The following ZMYM4 variants were observed in gnomAD, a reference collection of about 807,000 sequenced individuals.
The protein encoded by ZMYM4 is zinc finger MYM-type containing 4.
ZMYM4 carries 31 observed loss-of-function variants against 183.2 expected under a neutral mutation model. The observed-to-expected ratio is 0.17, with a 90% confidence interval of 0.13 to 0.23. ZMYM4 has a LOEUF of 0.23. ZMYM4 is among the 10% of genes least tolerant of loss of function. The pLI is 1.00. For missense variants in ZMYM4, 1,273 were observed against 1,840.3 expected (o/e 0.69, Z 5.64); for synonymous variants, 592 against 631.2 (o/e 0.94, Z 0.93).
At position 35,389,781 on chromosome 1, in the gene ZMYM4, A is replaced by ATATATGTGTG. The variant is rs1553179061; in HGVS notation, c.2437-166_2437-165insATATGTGTGT. Among the ~76,000 whole-genome samples, 3 of 141,426 alleles carry ATATATGTGTG rather than the reference A, an allele frequency of 2.1e-5. No individual in the cohort carries two copies. Among genetic ancestry groups the ATATATGTGTG allele is most frequent in the African/African-American group, 8.0e-5 (3 of 37,598 alleles). 92.8% of individuals were successfully genotyped at this position (141,426 alleles called of 152,430 possible). A position where few individuals can be genotyped will look rare whatever the true frequency, so the allele number is the denominator to read the frequency against. On this transcript the variant is annotated intron_variant, in intron 14 of 29. Transcript: ENST00000314607. This position sits in a 1 kb window ranked among gnomAD's most constrained non-coding sequence, Gnocchi z 4.0. The stretch of plus-strand genomic sequence containing the variant: ...AAAAAAAAAAAAAATATATATATAT[A>ATATATGTGTG]TGTGTGTGTGTGTGTGTGTGTGTGT...
At chr1:35,405,493 G>A (rs770448951) in intron 25 of ZMYM4, 25 bp downstream of exon 25, 3 of 1,518,444 alleles carry the variant, frequency 2.0e-6, no homozygotes, top group African/African-American at 2.8e-5. Flanking sequence ...TCTCCATTTG[G>A]TATGAATTAT....
chr1:35,314,817 G>A (rs1052040936), intron 1 of ZMYM4, among the ~76,000 whole-genome samples: 18 of 150,656 alleles, frequency 1.2e-4, no homozygotes, highest in Admixed American at 5.3e-4. Context: ...CTGAGGTCAG[G>A]AGTTCAAGAC....
intron 2 of ZMYM4, chr1:35,351,170 C>T: frequency 2.4e-6 from 3 of 1,261,316 alleles, no homozygotes; most frequent in African/African-American, 1.5e-5. Flanking sequence ...CAGACCTTGC[C>T]AGAACTACCA....
At chr1:35,343,847 G>A (rs1202682095) in intron 2 of ZMYM4, among the ~76,000 whole-genome samples, 5 of 151,058 alleles carry the variant, frequency 3.3e-5, no homozygotes, top group Admixed American at 6.6e-5. Flanking sequence ...CTGGGCGACA[G>A]AGCGAGACTC....
intron 9 of ZMYM4, among the ~76,000 whole-genome samples, chr1:35,385,241 A>C (rs1243480851): frequency 1.3e-5 from 2 of 152,248 alleles, no homozygotes; most frequent in Non-Finnish European, 2.9e-5. Flanking sequence ...TTTTAGTTTT[A>C]TTACATACAT....
chr1:35,283,245 C>T (rs1353306453), intron 1 of ZMYM4, among the ~76,000 whole-genome samples: 2 of 148,124 alleles, frequency 1.4e-5, no homozygotes, highest in African/African-American at 5.0e-5. Context: ...GAACTCCTGA[C>T]CTCAAGCGAT....
intron 2 of ZMYM4, among the ~76,000 whole-genome samples, chr1:35,327,185 G>A (rs1383319612): frequency 1.3e-5 from 2 of 152,158 alleles, no homozygotes; most frequent in African/African-American, 4.8e-5. Flanking sequence ...CAGTGCTACA[G>A]CAAAATAACA....
chr1:35,352,641 C>T (rs1228818098), intron 2 of ZMYM4, among the ~76,000 whole-genome samples: 1 of 152,176 alleles, frequency 6.6e-6, no homozygotes, highest in Non-Finnish European at 1.5e-5. Flanking sequence ...TTTTATCAGT[C>T]ATCTCAGCAG....
At chr1:35,406,529 T>A (rs552434246) in intron 25 of ZMYM4, among the ~76,000 whole-genome samples, 1 of 151,788 alleles carries the variant, frequency 6.6e-6, no homozygotes. Flanking sequence ...TCTAAAAAAA[T>A]AAAAATAAAA....
chr1:35,390,083 T>G lies in ZMYM4; in HGVS notation c.2572T>G (p.Ser858Ala). The G allele has an allele frequency of 1.9e-6, 3 of 1,613,420 alleles. No homozygotes were observed. The highest frequency in any genetic ancestry group is 2.5e-6 in the Non-Finnish European group (3 of 1,179,658). Residue 858 changes from serine to alanine, a missense_variant, in exon 15 of 30, where the codon TCA becomes GCA. Coordinates refer to ENST00000314607, the MANE Select transcript of ZMYM4 (RefSeq NM_005095.3). ...CNQQSVCDPP[S>A]QNNAANISMV... Reference sequence around the variant, plus strand: ...TCAGCAAAGTGTATGTGACCCGCCTTCACAAAATAATGCAGGTAAAATTAA... The same window carrying G: ...TCAGCAAAGTGTATGTGACCCGCCTGCACAAAATAATGCAGGTAAAATTAA...
rs1210716623 is a variant in ZMYM4, at chr1:35,389,644, A to C, written c.2437-304A>C. The stretch of plus-strand genomic sequence containing the variant: ...GTGGCGGGCGCCTGTAGTCCCAGCT[A>C]CCTGGGAGGCTGAGGCAGGAGAATT... On this transcript the variant is annotated intron_variant, in intron 14 of 29. Coordinates refer to ENST00000314607, the MANE Select transcript of ZMYM4 (RefSeq NM_005095.3). This position sits in a 1 kb window ranked among gnomAD's most constrained non-coding sequence, Gnocchi z 4.0. Among the ~76,000 whole-genome samples, 2 of 151,852 alleles carry C rather than the reference A, an allele frequency of 1.3e-5. No individual in the cohort carries two copies. Among genetic ancestry groups the C allele is most frequent in the African/African-American group, 4.8e-5 (2 of 41,352 alleles).
intron 23 of ZMYM4, chr1:35,400,399 G>A (rs1644886258): frequency 1.3e-5 from 2 of 151,534 alleles, no homozygotes; most frequent in African/African-American, 4.8e-5. Flanking sequence ...TAGAGACAGG[G>A]TTTCACCATG....
chr1:35,411,238 C>A (rs1639879804), intron 26 of ZMYM4, among the ~76,000 whole-genome samples: 1 of 146,690 alleles, frequency 6.8e-6, no homozygotes, highest in South Asian at 2.1e-4. Context: ...ACTGCAAGCT[C>A]CGCCTCCCGG....
intron 1 of ZMYM4, among the ~76,000 whole-genome samples, chr1:35,316,005 A>G (rs994007795): frequency 1.2e-4 from 18 of 152,164 alleles, no homozygotes; most frequent in Non-Finnish European, 1.9e-4. Flanking sequence ...AATTAGACCT[A>G]CTTTTTATAG....
intron 1 of ZMYM4, among the ~76,000 whole-genome samples, chr1:35,324,601 C>G (rs540784062): frequency 6.6e-6 from 1 of 152,170 alleles, no homozygotes; most frequent in East Asian, 1.9e-4. Context: ...CTAGGTAGTT[C>G]TTTTTTCCTT....
At chr1:35,365,400 C>T (rs963446724) in intron 5 of ZMYM4, among the ~76,000 whole-genome samples, 1 of 152,000 alleles carries the variant, frequency 6.6e-6, no homozygotes, top group African/African-American at 2.4e-5. Flanking sequence ...AAAAACTGTA[C>T]ATTCAGTAAA....
chr1:35,350,753 C>A, intron 2 of ZMYM4: 1 of 452,194 alleles, frequency 2.2e-6, no homozygotes, highest in South Asian at 2.2e-5. Flanking sequence ...AAGAATAAGG[C>A]CTGCTTTAAG....
Position 35,419,555 on chromosome 1 carries a change from A to T in ZMYM4, c.4525A>T (p.Thr1509Ser), listed in dbSNP as rs772651383. The T allele has an allele frequency of 6.2e-7, 1 of 1,614,024 alleles. No homozygotes were observed. The highest frequency in any genetic ancestry group is 1.7e-5 in the Admixed American group (1 of 60,002). ...CVPNSPMWYSTFPIDPGTLDT... is the reference protein window; with the variant it reads ...CVPNSPMWYSSFPIDPGTLDT... ...CCCGAATAGCCCCATGTGGTACTCC[A>T]CATTCCCGATAGACCCTGGAACCCT... The change falls in exon 30 of 30, where the codon ACA becomes TCA. Residue 1509 changes from threonine (T) to serine (S), a missense_variant. Thr to Ser is a moderately conservative substitution (Grantham distance 58). This residue lies in a region of ZMYM4 where 145 missense variants were observed against 331.6 expected (regional missense o/e 0.44). Transcript: ENST00000314607.
intron 23 of ZMYM4, among the ~76,000 whole-genome samples, chr1:35,402,711 TA>T (rs1030086705): frequency 3.9e-5 from 6 of 152,048 alleles, no homozygotes; most frequent in Non-Finnish European, 8.8e-5. Flanking sequence ...ATCTTAGAAA[TA>T]AAAAAAAGAA....
Sources: allele counts gnomAD v4.1 joint callset (sites outside exome capture counted in the v4.1 genomes callset), GRCh38; gene constraint gnomAD v4.1.1; regional missense constraint gnomAD v4.1.1; non-coding constraint Gnocchi (gnomAD v3.1); transcripts MANE v1.5; gene names NCBI Gene and HGNC (gene_info 2026-07-23, HGNC 2026-07-21).